The following MYO3A variants were observed in gnomAD, a reference collection of about 807,000 sequenced individuals.
MYO3A encodes myosin-IIIa.
MYO3A carries 180 observed loss-of-function variants against 192.7 expected under a neutral mutation model. That is an observed-to-expected ratio of 0.93 (90% confidence interval 0.83 to 1.06). MYO3A has a LOEUF of 1.06. MYO3A is among the 50% of genes least tolerant of loss of function. The pLI, the probability that MYO3A is intolerant of heterozygous loss-of-function variation, is 0.00. For missense variants in MYO3A, 1,896 were observed against 1,905.0 expected (o/e 1.00, Z 0.09); for synonymous variants, 628 against 645.3 (o/e 0.97, Z 0.41).
intron 9 of MYO3A, among the ~76,000 whole-genome samples, chr10:26,025,947 T>G (rs1242465884): frequency 4.6e-5 from 7 of 152,234 alleles, no homozygotes; most frequent in Admixed American, 4.6e-4. Context: ...TTGAGAAGCC[T>G]TTAAAAGCAT....
At chr10:25,997,016 G>T (rs1283928507) in intron 5 of MYO3A, 143 bp from the exon 6 acceptor site, 3 of 669,772 alleles carry the variant, frequency 4.5e-6, no homozygotes, top group Non-Finnish European at 8.0e-6. Context: ...TCTTTGATGT[G>T]ACTAACTCAA....
intron 10 of MYO3A, among the ~76,000 whole-genome samples, chr10:26,033,261 A>G (rs1842884543): frequency 6.6e-6 from 1 of 151,910 alleles, no homozygotes; most frequent in African/African-American, 2.4e-5. Flanking sequence ...TTGTTTTTTT[A>G]GTAGAGATGG....
intron 2 of MYO3A, among the ~76,000 whole-genome samples, chr10:25,942,824 A>G (rs1416836152): frequency 1.3e-5 from 2 of 149,686 alleles, no homozygotes; most frequent in Admixed American, 6.6e-5. Context: ...TTATTTATAT[A>G]TTCTGTATGT....
chr10:26,184,659 T>C (rs1458845396), intron 31 of MYO3A, among the ~76,000 whole-genome samples: 1 of 152,216 alleles, frequency 6.6e-6, no homozygotes, highest in Admixed American at 6.5e-5. Context: ...AAAAAGTGCA[T>C]TTCTGACAAA....
At chr10:25,973,837 G>A (rs1214626059) in intron 4 of MYO3A, among the ~76,000 whole-genome samples, 1 of 152,168 alleles carries the variant, frequency 6.6e-6, no homozygotes. Flanking sequence ...ACAAGCAATG[G>A]AGAAAGGATT....
At chr10:25,967,535 A>G (rs538559003) in intron 4 of MYO3A, among the ~76,000 whole-genome samples, 1 of 152,348 alleles carries the variant, frequency 6.6e-6, no homozygotes, top group African/African-American at 2.4e-5. Flanking sequence ...TCAATAATGT[A>G]ACACTAAGAA....
chr10:26,075,187 AT>A (rs1446376026), intron 14 of MYO3A, among the ~76,000 whole-genome samples: 1 of 151,598 alleles, frequency 6.6e-6, no homozygotes, highest in Non-Finnish European at 1.5e-5. Flanking sequence ...ATGGCTCTAA[AT>A]TTTTCTTCCT....
At chr10:26,030,308 T>C (rs954753314) in intron 10 of MYO3A, among the ~76,000 whole-genome samples, 2 of 152,202 alleles carry the variant, frequency 1.3e-5, no homozygotes, top group Non-Finnish European at 2.9e-5. Context: ...TTAGAAAATA[T>C]CTTTGTCTTT....
chr10:26,135,747 C>T (rs1839810354), intron 20 of MYO3A, among the ~76,000 whole-genome samples: 1 of 152,016 alleles, frequency 6.6e-6, no homozygotes, highest in Admixed American at 6.6e-5. Flanking sequence ...GGCTGAATCA[C>T]CTGAGGTCAG....
In MYO3A at chr10:25,948,977, A is replaced by T. The variant is rs1350752255; in HGVS notation, c.-17-3117A>T. 1.1e-3 allele frequency among the ~76,000 whole-genome samples: 164 copies of T among 152,052 alleles called. 2 individuals are homozygous for T. Among genetic ancestry groups the T allele is most frequent in the Non-Finnish European group, 1.3e-4 (9 of 67,954 alleles). The stretch of plus-strand genomic sequence containing the variant: ...TCTGATTGAGAACTGTTAAAGAAAA[A>T]ATTGCATTTTAAACAAATTCCTGCT... On this transcript the variant is annotated intron_variant, in intron 2 of 34. Coordinates refer to ENST00000642920, the MANE Select transcript of MYO3A (RefSeq NM_017433.5).
chr10:26,020,144 C>T (rs1029492018), intron 7 of MYO3A, among the ~76,000 whole-genome samples: 1 of 152,130 alleles, frequency 6.6e-6, no homozygotes, highest in African/African-American at 2.4e-5. Context: ...TTCTTATTTG[C>T]CCATAAACTC....
At chr10:26,133,143 A>G (rs922152026) in intron 20 of MYO3A, among the ~76,000 whole-genome samples, 1 of 152,174 alleles carries the variant, frequency 6.6e-6, no homozygotes, top group Non-Finnish European at 1.5e-5. Flanking sequence ...TTTCTTCCCT[A>G]TTAAGTCATA....
At chr10:26,114,759 T>A (rs1191355744) in intron 17 of MYO3A, among the ~76,000 whole-genome samples, 1 of 152,182 alleles carries the variant, frequency 6.6e-6, no homozygotes, top group African/African-American at 2.4e-5. Flanking sequence ...CCAGGCCCTG[T>A]GCTAAAAGTT....
intron 20 of MYO3A, among the ~76,000 whole-genome samples, chr10:26,134,291 G>A (rs1839722163): frequency 6.6e-6 from 1 of 152,086 alleles, no homozygotes. Context: ...CTGAATTAAT[G>A]ACTTGTGTCA....
At chr10:26,103,451 ATCT>A (rs1837602171) in intron 17 of MYO3A, among the ~76,000 whole-genome samples, 2 of 152,038 alleles carry the variant, frequency 1.3e-5, no homozygotes, top group African/African-American at 4.8e-5. Flanking sequence ...GAAATCACCC[ATCT>A]TCTTGTTGCT....
At chr10:26,130,240 G>C (rs1839453924) in intron 20 of MYO3A, among the ~76,000 whole-genome samples, 1 of 151,964 alleles carries the variant, frequency 6.6e-6, no homozygotes, top group Non-Finnish European at 1.5e-5. Flanking sequence ...AAGTAGCTGG[G>C]ACCACAGGCA....
chr10:26,151,860 A>G (rs906904474), intron 23 of MYO3A, among the ~76,000 whole-genome samples: 1 of 151,944 alleles, frequency 6.6e-6, no homozygotes, highest in African/African-American at 2.4e-5. Flanking sequence ...TTAGGGATCA[A>G]TGTCCTTACA....
rs754885617 is a variant in MYO3A at position 26,021,643 on chromosome 10, A to G, written c.726A>G (p.Ile242Met). ...DLHPMRALFK[I>M]PRNPPPKLRQ... ...ATCCCATGAGAGCACTCTTCAAAATACCAAGGTCAGATGACTAACATTGGG... is the reference window on the plus strand; with the variant it reads ...ATCCCATGAGAGCACTCTTCAAAATGCCAAGGTCAGATGACTAACATTGGG... Residue 242 changes from isoleucine to methionine, a missense_variant, in exon 8 of 35, where the codon ATA (isoleucine) becomes ATG (methionine). Coordinates refer to ENST00000642920, the MANE Select transcript of MYO3A (RefSeq NM_017433.5). 3.7e-6 allele frequency: 6 copies of G among 1,614,056 alleles called. No homozygotes were observed. Among genetic ancestry groups the G allele is most frequent in the South Asian group, 1.1e-5 (1 of 91,078 alleles).
At chr10:25,957,049 A>G (rs1172049645) in intron 4 of MYO3A, among the ~76,000 whole-genome samples, 3 of 152,168 alleles carry the variant, frequency 2.0e-5, no homozygotes, top group Non-Finnish European at 4.4e-5. Context: ...TGTTCCTGCA[A>G]AGGACATGAT....
Sources: gnomAD v4.1 joint callset for allele counts (sites outside exome capture counted in the v4.1 genomes callset) on GRCh38, gnomAD v4.1.1 for gene constraint, MANE v1.5 for transcripts, NCBI Gene and HGNC (gene_info 2026-07-23, HGNC 2026-07-21) for gene names.